ZNF600: variants seen among roughly 807,000 people sequenced by gnomAD.
ZNF600 encodes the protein zinc finger protein 600.
ZNF600 carries 4 observed loss-of-function variants against 7.3 expected under a neutral mutation model. The ratio of observed to expected loss-of-function variants is 0.55; its 90% CI spans 0.27 to 1.25. The LOEUF is 1.25. Among genes scored for constraint, ZNF600 ranks in the 50% most tolerant of loss-of-function variants. The pLI is 0.12. For synonymous variants in ZNF600, 290 were observed against 308.9 expected (o/e 0.94, Z 0.64); for missense variants, 911 against 922.1 (o/e 0.99, Z 0.16).
At chr19:52,832,425 T>C in the ZNF600 span, among the ~76,000 whole-genome samples, 4 of 151,742 alleles carry the variant, frequency 2.6e-5, no homozygotes, top group Admixed American at 2.0e-4. Context: ...AAATCTCATC[T>C]CTACTAAGAA....
the ZNF600 span, among the ~76,000 whole-genome samples, chr19:52,820,588 C>G: frequency 3.3e-5 from 5 of 152,066 alleles, no homozygotes; most frequent in African/African-American, 9.7e-5. Context: ...CCCCGCTGTG[C>G]TTCTCCCTCT....
the ZNF600 span, among the ~76,000 whole-genome samples, chr19:52,812,815 C>T: frequency 7.1e-6 from 1 of 141,156 alleles, no homozygotes; most frequent in Non-Finnish European, 1.5e-5. Flanking sequence ...TAGAGAGTGG[C>T]ATGCTTGGAT....
chr19:52,814,606 G>C, the ZNF600 span, among the ~76,000 whole-genome samples: 1 of 139,308 alleles, frequency 7.2e-6, no homozygotes, highest in Non-Finnish European at 1.5e-5. Context: ...AAAAAAAAAA[G>C]CTGGGCGAGG....
chr19:52,801,638 G>A, the ZNF600 span: 1 of 1,613,742 alleles, frequency 6.2e-7, no homozygotes, highest in Admixed American at 1.7e-5. Flanking sequence ...TCCCTGTGTG[G>A]AACGCTTCTG....
intron 1 of ZNF600, among the ~76,000 whole-genome samples, chr19:52,779,421 GT>G (rs1244070708): frequency 6.6e-6 from 1 of 152,238 alleles, no homozygotes; most frequent in Non-Finnish European, 1.5e-5. Context: ...TGAAGCCAGG[GT>G]TGAGCTCCAC....
At chr19:52,818,571 G>C in the ZNF600 span, among the ~76,000 whole-genome samples, 2 of 152,026 alleles carry the variant, frequency 1.3e-5, no homozygotes, top group African/African-American at 4.8e-5. Context: ...AAAGTAGCCG[G>C]GCTTGATGCG....
At chr19:52,794,199 T>G in the ZNF600 span, among the ~76,000 whole-genome samples, 1 of 152,140 alleles carries the variant, frequency 6.6e-6, no homozygotes, top group South Asian at 2.1e-4. Flanking sequence ...GAGACAAGAA[T>G]AAGTTCAAGA....
At chr19:52,787,529 T>C (rs868299801), upstream of ZNF600, among the ~76,000 whole-genome samples, 22 of 148,366 alleles carry the variant, frequency 1.5e-4, no homozygotes, top group Middle Eastern at 3.5e-3. Context: ...GCCTCAGCCT[T>C]TCGAGTAACT....
At chr19:52,813,410 T>C in the ZNF600 span, among the ~76,000 whole-genome samples, 2 of 147,366 alleles carry the variant, frequency 1.4e-5, no homozygotes, top group Non-Finnish European at 1.5e-5. Flanking sequence ...GTCTCAACAG[T>C]GCAAGCTGCT....
At chr19:52,796,727 G>C in the ZNF600 span, among the ~76,000 whole-genome samples, 84 of 152,278 alleles carry the variant, frequency 5.5e-4, no homozygotes, top group Non-Finnish European at 1.0e-3. Flanking sequence ...CTCAACCTCT[G>C]AAAGTGCTGG....
At chr19:52,810,167 A>C in the ZNF600 span, 1 of 958,906 alleles carries the variant, frequency 1.0e-6, no homozygotes, top group Non-Finnish European at 1.7e-6. Flanking sequence ...TCGAAGCTGG[A>C]GTCAGGGAGG....
chr19:52,807,636 G>A, the ZNF600 span, among the ~76,000 whole-genome samples: 3 of 152,052 alleles, frequency 2.0e-5, no homozygotes, highest in South Asian at 2.1e-4. Context: ...CACCATGCCC[G>A]GCTAACTTTT....
At chr19:52,822,074 C>CTTTTTTTTTTTTTT in the ZNF600 span, among the ~76,000 whole-genome samples, 21 of 78,686 alleles carry the variant, frequency 2.7e-4, no homozygotes, top group African/African-American at 7.8e-4. Flanking sequence ...TTCTTTTTCC[C>CTTTTTTTTTTTTTT]TTTTTTTTTT....
chr19:52,810,163 C>T, the ZNF600 span: 2 of 953,062 alleles, frequency 2.1e-6, no homozygotes, highest in South Asian at 1.3e-5. Flanking sequence ...GCTATCGAAG[C>T]TGGAGTCAGG....
chr19:52,823,239 A>C, the ZNF600 span, among the ~76,000 whole-genome samples: 2 of 152,036 alleles, frequency 1.3e-5, no homozygotes, highest in African/African-American at 4.8e-5. Flanking sequence ...TTTGGTACGG[A>C]GTCTTGCTCT....
At chr19:52,807,358 G>A in the ZNF600 span, among the ~76,000 whole-genome samples, 3 of 152,190 alleles carry the variant, frequency 2.0e-5, no homozygotes, top group African/African-American at 7.2e-5. Context: ...AATGCTTGGG[G>A]AGCACTGTAA....
the ZNF600 span, chr19:52,809,732 G>C: frequency 4.8e-6 from 2 of 412,424 alleles, no homozygotes; most frequent in East Asian, 8.0e-5. Context: ...TTTAACCCAG[G>C]AGGAGGGGGT....
chr19:52,788,087 A>G (rs1176830190), upstream of ZNF600, among the ~76,000 whole-genome samples: 2 of 151,882 alleles, frequency 1.3e-5, no homozygotes, highest in Admixed American at 1.3e-4. Context: ...TCCACACCCC[A>G]TCTCCATCCA....
At chr19:52,832,090 G>GTTACACGTGTGGTGATGCACACCTC in the ZNF600 span, among the ~76,000 whole-genome samples, 1 of 151,832 alleles carries the variant, frequency 6.6e-6, no homozygotes, top group Non-Finnish European at 1.5e-5. Context: ...ACATCACAGT[G>GTTACACGTGTGGTGATGCACACCTC]TAATCCCAGC....
Sources: allele counts gnomAD v4.1 joint callset (sites outside exome capture counted in the v4.1 genomes callset), GRCh38; gene constraint gnomAD v4.1.1; transcripts MANE v1.5; gene names NCBI Gene and HGNC (gene_info 2026-07-23, HGNC 2026-07-21).